The following AKNA variants were observed in gnomAD, a reference collection of about 807,000 sequenced individuals.
AKNA encodes microtubule organization protein AKNA.
AKNA carries 67 observed loss-of-function variants against 138.8 expected under a neutral mutation model. The observed-to-expected ratio is 0.48, with a 90% CI of 0.40 to 0.59. The LOEUF (loss-of-function observed/expected upper bound fraction) is 0.59, where lower values mean the gene tolerates loss of function less well. AKNA is among the 20% of genes least tolerant of loss of function. The pLI, the probability that AKNA is intolerant of heterozygous loss-of-function variation, is 0.00. For missense variants in AKNA, 1,813 were observed against 1,880.4 expected, an observed-to-expected ratio of 0.96 and a Z score of 0.66; for synonymous variants, 737 against 754.4, an observed-to-expected ratio of 0.98 and a Z score of 0.38.
In AKNA at chr9:114,341,543, G is replaced by A. The variant is rs1830342816; in HGVS notation, c.4057C>T (p.Pro1353Ser). Residue 1353 changes from proline to serine, a missense_variant, in exon 21 of 22, where the codon CCT (proline) becomes TCT (serine). Pro to Ser is a moderately conservative substitution (Grantham distance 74). Transcript: ENST00000374088. ...AATGAAGGCTCTTACACAGCGGCAG[G>A]TGGATAAGGCATGATGGGAACCGAG... is the stretch of plus-strand genomic sequence containing the variant. ...ISSVPIMPYP[P>S]AAVYYAPAGP... The A allele has an allele frequency of 3.1e-6, 5 of 1,614,148 alleles. No homozygotes were observed. The highest frequency in any genetic ancestry group is 4.2e-6 in the Non-Finnish European group (5 of 1,180,024).
chr9:114,332,038 T>G, downstream of AKNA: 1 of 878,898 alleles, frequency 1.1e-6, no homozygotes, highest in Non-Finnish European at 1.8e-6. Context: ...GCTAGGCAGA[T>G]CTTCTGCTTT....
chr9:114,356,007 C>G lies in AKNA; in HGVS notation c.2976G>C (p.Gln992His), dbSNP rs772386250. 1.9e-6 allele frequency: 3 copies of G among 1,614,078 alleles called. No homozygotes were observed. Among genetic ancestry groups the G allele is most frequent in the Non-Finnish European group, 2.5e-6 (3 of 1,180,038 alleles). The change falls in exon 14 of 22, where the codon CAG becomes CAC. Residue 992 changes from glutamine (Q) to histidine (H), a missense_variant. Physicochemically the swap from Gln to His is conservative, Grantham distance 24 (BLOSUM62 0). Transcript: ENST00000374088. Reference sequence around the variant, plus strand: ...GCCCACTTGGGCTGGAGAGGTACCTCTGTGCTTGGCTCCGGGGTGTGCTGG... The same window carrying G: ...GCCCACTTGGGCTGGAGAGGTACCTGTGTGCTTGGCTCCGGGGTGTGCTGG... Reference protein sequence around the residue: ...TEPSTPRSQAQRYLSSPSGPL... With the variant: ...TEPSTPRSQAHRYLSSPSGPL...
chr9:114,362,057 A>G, intron 8 of AKNA, 146 bp from the exon 9 acceptor site: 1 of 888,742 alleles, frequency 1.1e-6, no homozygotes, highest in Non-Finnish European at 1.7e-6. Flanking sequence ...TGAGAACTCA[A>G]AATAAGCAAG....
intron 21 of AKNA, among the ~76,000 whole-genome samples, chr9:114,340,403 T>C (rs1307033289): frequency 6.6e-6 from 1 of 152,202 alleles, no homozygotes; most frequent in Non-Finnish European, 1.5e-5. Flanking sequence ...AATCCTATCA[T>C]GTTGAACCCA....
At chr9:114,388,804 C>T (rs917561825), upstream of AKNA, among the ~76,000 whole-genome samples, 2 of 152,242 alleles carry the variant, frequency 1.3e-5, no homozygotes, top group Non-Finnish European at 2.9e-5. Flanking sequence ...GCTCTCCACT[C>T]TAGCAGAGAC....
At chr9:114,365,587 T>A (rs1832285965) in intron 6 of AKNA, among the ~76,000 whole-genome samples, 1 of 152,042 alleles carries the variant, frequency 6.6e-6, no homozygotes, top group Non-Finnish European at 1.5e-5. Context: ...TTTTATAATA[T>A]ATAAAATAGA....
intron 6 of AKNA, among the ~76,000 whole-genome samples, chr9:114,366,044 C>T (rs1481985630): frequency 2.6e-5 from 4 of 152,098 alleles, no homozygotes; most frequent in African/African-American, 9.7e-5. Context: ...TTTGGGAGGC[C>T]GAGGCAGGCA....
intron 5 of AKNA, chr9:114,368,124 CAT>C (rs1014389939): frequency 3.1e-6 from 1 of 318,384 alleles, no homozygotes; most frequent in African/African-American, 2.1e-5. Flanking sequence ...AGTGAGGTCA[CAT>C]GTGTCAAGGC....
upstream of AKNA, among the ~76,000 whole-genome samples, chr9:114,396,408 C>T (rs754341281): frequency 1.3e-5 from 2 of 152,242 alleles, no homozygotes; most frequent in South Asian, 4.1e-4. Flanking sequence ...TAGATGGGCG[C>T]GGTGGCTCAC....
At chr9:114,378,308 A>G (rs763686658) in intron 2 of AKNA, among the ~76,000 whole-genome samples, 2 of 152,168 alleles carry the variant, frequency 1.3e-5, no homozygotes, top group Non-Finnish European at 2.9e-5. Context: ...TCCTCAAGGA[A>G]GACTTAGCTC....
At chr9:114,379,147 G>A (rs1034055925) in intron 2 of AKNA, among the ~76,000 whole-genome samples, 11 of 152,342 alleles carry the variant, frequency 7.2e-5, no homozygotes, top group Admixed American at 2.6e-4. Context: ...TAGGGGTCAC[G>A]TACTAGGGGT....
chr9:114,357,514 AGTGTGTGTGT>A (rs10534471), intron 12 of AKNA, among the ~76,000 whole-genome samples: 4,977 of 151,044 alleles, frequency 0.033, 274 homozygotes, highest in African/African-American at 0.11. Flanking sequence ...GGACTACAGA[AGTGTGTGTGT>A]GTGTGTGTGT....
chr9:114,368,308 G>T, intron 5 of AKNA, 131 bp downstream of exon 5: 1 of 1,060,052 alleles, frequency 9.4e-7, no homozygotes, highest in South Asian at 3.9e-5. Context: ...AAAGTGCCCA[G>T]GGTGGGGCCT....
At chr9:114,375,638 G>A (rs1041313267) in intron 3 of AKNA, among the ~76,000 whole-genome samples, 1 of 152,092 alleles carries the variant, frequency 6.6e-6, no homozygotes, top group African/African-American at 2.4e-5. Context: ...AGGATTGGAT[G>A]CCTGAAATTT....
chr9:114,347,964 G>C, intron 15 of AKNA, 64 bp from the exon 16 acceptor site: 2 of 1,510,638 alleles, frequency 1.3e-6, no homozygotes, highest in East Asian at 2.5e-5. Flanking sequence ...GCAGCCACCC[G>C]AGTATGCCAG....
At chr9:114,376,373 A>C in intron 3 of AKNA, 93 bp downstream of exon 3, 1 of 991,734 alleles carries the variant, frequency 1.0e-6, no homozygotes, top group Non-Finnish European at 1.4e-6. Context: ...CACCCCAGCC[A>C]GCCTCTACTC....
intron 1 of AKNA, among the ~76,000 whole-genome samples, chr9:114,384,300 G>C (rs1281565884): frequency 6.6e-6 from 1 of 152,224 alleles, no homozygotes; most frequent in Non-Finnish European, 1.5e-5. Flanking sequence ...GCCAGGTACA[G>C]CGGCTCACAC....
Position 114,345,930 on chromosome 9 carries a change from C to T in AKNA, c.3594G>A (p.Arg1198=), listed in dbSNP as rs1830650230. Residue 1198 remains arginine, a synonymous_variant, in exon 18 of 22, where the codon CGG becomes CGA. Coordinates refer to ENST00000374088, the MANE Select transcript of AKNA (RefSeq NM_001317950.2). ...CACTGCCCACCCCTCTCTTTCCATCCCGAGCTGCCTGTGGACTGTCCTTGG... is the reference window on the plus strand; with the variant it reads ...CACTGCCCACCCCTCTCTTTCCATCTCGAGCTGCCTGTGGACTGTCCTTGG... ...KTTKDSPQAA[R]DGKRGVGSAG... 1 of 1,614,056 alleles carries T rather than the reference C, an allele frequency of 6.2e-7. No individual in the cohort carries two copies. The highest frequency in any genetic ancestry group is 1.7e-5 in the Admixed American group (1 of 60,010).
At chr9:114,354,268 T>C (rs1048328581) in intron 14 of AKNA, among the ~76,000 whole-genome samples, 1 of 152,050 alleles carries the variant, frequency 6.6e-6, no homozygotes. Context: ...ACACACACAT[T>C]AGCCTAGGCC....
Sources: allele counts gnomAD v4.1 joint callset (sites outside exome capture counted in the v4.1 genomes callset), GRCh38; gene constraint gnomAD v4.1.1; transcripts MANE v1.5; gene names NCBI Gene and HGNC (gene_info 2026-07-23, HGNC 2026-07-21).